KRT26: variants seen among roughly 807,000 people sequenced by gnomAD.
KRT26 encodes keratin 26, also known as keratin, type I cytoskeletal 26.
In KRT26, 45 loss-of-function variants were observed where a neutral mutation model predicts 46.1. The ratio of observed to expected loss-of-function variants is 0.98; its 90% CI spans 0.77 to 1.25. KRT26 has a LOEUF of 1.25. Among genes scored for constraint, KRT26 ranks in the 50% most tolerant of loss-of-function variants. KRT26 has a pLI of 0.00. For missense variants in KRT26, 582 were observed against 560.1 expected (o/e 1.04, Z -0.39); for synonymous variants, 191 against 209.9 (o/e 0.91, Z 0.78).
intron 7 of KRT26, among the ~76,000 whole-genome samples, chr17:40,767,087 C>T (rs181205407): frequency 1.2e-3 from 177 of 152,252 alleles, no homozygotes; most frequent in African/African-American, 4.2e-3. Context: ...TGCAGTAAAT[C>T]GATATATAAT....
intron 1 of KRT26, 34 bp downstream of exon 1, chr17:40,771,639 C>A: frequency 6.5e-7 from 1 of 1,527,300 alleles, no homozygotes; most frequent in Admixed American, 1.9e-5. Flanking sequence ...CACACAAAGT[C>A]TGTAGTAAAA....
At chr17:40,771,747 C>T (rs1260511602) in exon 1 of KRT26, 2 of 1,614,176 alleles carry the variant, frequency 1.2e-6, no homozygotes, top group Admixed American at 1.7e-5. Context: ...GAGCCAGGCT[C>T]ACATTTCTCG....
chr17:40,771,311 A>G (rs1053453163), intron 1 of KRT26, 75 bp from the exon 2 acceptor site: 8 of 741,684 alleles, frequency 1.1e-5, no homozygotes, highest in South Asian at 8.8e-5. Context: ...GTGATTTTAT[A>G]TCTTCTTAAT....
Position 40,770,353 on chromosome 17 carries a change from C to G in KRT26, c.581G>C (p.Arg194Pro), listed in dbSNP as rs140434418. 4 of 1,613,594 alleles carry G rather than the reference C, an allele frequency of 2.5e-6. No individual in the cohort carries two copies. The highest frequency in any genetic ancestry group is 3.3e-5 in the Admixed American group (2 of 59,952). ...AAGGGTCAGTTCATCCAACACTCTG[C>G]GAAGACCACTGGTGTCGGCCTCAAC... The change falls in exon 3 of 8, where the codon CGC (arginine) becomes CCC (proline). Residue 194 changes from arginine (R) to proline (P), a missense_variant. Physicochemically the swap from Arg to Pro is moderately radical, Grantham distance 103 (BLOSUM62 -2). Coordinates refer to ENST00000335552, the Ensembl canonical transcript of KRT26.
chr17:40,767,586 CT>C lies in KRT26; in HGVS notation c.1254del (p.Asp419ThrfsTer24). On this transcript the variant is annotated frameshift_variant and splice_region_variant, in exon 7 of 8. Transcript: ENST00000335552. LOFTEE classifies it low-confidence loss of function (END_TRUNC). Reference sequence around the variant, plus strand: ...CCAGGTAAAAAAAATCTATCTATACCTTTGGCTTGATTTCCAGAATTCACAG... The same window carrying C: ...CCAGGTAAAAAAAATCTATCTATACCTTGGCTTGATTTCCAGAATTCACAG... The C allele has an allele frequency of 1.3e-6, 2 of 1,598,680 alleles. No homozygotes were observed. The highest frequency in any genetic ancestry group is 1.7e-6 in the Non-Finnish European group (2 of 1,172,156).
chr17:40,771,007 A>T (rs1189272913), intron 2 of KRT26, 147 bp downstream of exon 2: 2 of 504,736 alleles, frequency 4.0e-6, no homozygotes, highest in Non-Finnish European at 7.0e-6. Flanking sequence ...AGCTCTTTTT[A>T]TAACGGCTTA....
chr17:40,767,945 C>T (rs116338214), intron 6 of KRT26, among the ~76,000 whole-genome samples: 1,935 of 152,288 alleles, frequency 0.013, 38 homozygotes, highest in African/African-American at 0.044. Flanking sequence ...TTTGGAGTGC[C>T]TACCATGAAA....
exon 8 of KRT26, chr17:40,766,352 G>A (rs761738908): frequency 7.7e-6 from 4 of 522,150 alleles, no homozygotes; most frequent in African/African-American, 5.8e-5. Context: ...CATAGAACAT[G>A]AGAAAAGGAA....
In KRT26 at chr17:40,771,138, G is replaced by A; in HGVS notation, c.524+16C>T. 2 of 1,472,736 alleles carry A rather than the reference G, an allele frequency of 1.4e-6. No individual in the cohort carries two copies. Among genetic ancestry groups the A allele is most frequent in the Non-Finnish European group, 1.9e-6 (2 of 1,074,216 alleles). 91.2% of individuals were successfully genotyped at this position (1,472,736 alleles called of 1,614,324 possible). ...TAACTTTTATTAATATAATTAATCA[G>A]TTTGTTTTCACCTACTTCAGCCTGA... On this transcript the variant is annotated intron_variant, in intron 2 of 7. Transcript: ENST00000335552.
chr17:40,768,913 C>T (rs1253202904), exon 6 of KRT26: 6 of 1,586,200 alleles, frequency 3.8e-6, no homozygotes, highest in Non-Finnish European at 5.2e-6. Context: ...CAATAAATGT[C>T]AATTTCTTTT....
chr17:40,769,149 C>A, intron 5 of KRT26, 53 bp from the exon 6 acceptor site: 1 of 1,134,284 alleles, frequency 8.8e-7, no homozygotes, highest in South Asian at 1.4e-5. Context: ...ATGGCATGGT[C>A]ATCTTATATT....
rs144927725 is a variant in KRT26, at chr17:40,769,345, T to C, written c.970-249A>G. Among the ~76,000 whole-genome samples, 841 of 152,160 alleles carry C rather than the reference T, an allele frequency of 5.5e-3. 2 individuals are homozygous for C. The highest frequency in any genetic ancestry group is 0.014 in the Middle Eastern group (4 of 294). ...CTAATTTTTATATTTTTAGTAGAGATGGGGTTTCACCATGTTGGCCTGGCT... is the reference window on the plus strand; with the variant it reads ...CTAATTTTTATATTTTTAGTAGAGACGGGGTTTCACCATGTTGGCCTGGCT... On this transcript the variant is annotated intron_variant, in intron 5 of 7. Transcript: ENST00000335552.
chr17:40,771,985 A>G (rs1169741529), exon 1 of KRT26: 1 of 1,614,168 alleles, frequency 6.2e-7, no homozygotes, highest in Non-Finnish European at 8.5e-7. Flanking sequence ...GAGTACAAGA[A>G]AAGCTGCTTC....
chr17:40,768,841 T>C, intron 6 of KRT26, 38 bp downstream of exon 6: 1 of 1,171,718 alleles, frequency 8.5e-7, no homozygotes, highest in Middle Eastern at 2.5e-4. Context: ...ACCTAGTTAA[T>C]GTGAGGTTTT....
chr17:40,768,827 G>T, intron 6 of KRT26, 52 bp downstream of exon 6: 1 of 1,038,680 alleles, frequency 9.6e-7, no homozygotes, highest in Non-Finnish European at 1.4e-6. Flanking sequence ...TATACTGTGG[G>T]AAAACCTAGT....
exon 7 of KRT26, chr17:40,767,653 T>C: frequency 6.3e-7 from 1 of 1,599,876 alleles, no homozygotes; most frequent in Non-Finnish European, 8.5e-7. Context: ...ATTTGCTTTT[T>C]CTGTGAAGAG....
At chr17:40,770,555 A>C in intron 2 of KRT26, 146 bp from the exon 3 acceptor site, 1 of 583,834 alleles carries the variant, frequency 1.7e-6, no homozygotes. Context: ...AAATGGTTTG[A>C]GATACCTAAC....
At chr17:40,768,710 A>G (rs1053347258) in intron 6 of KRT26, among the ~76,000 whole-genome samples, 169 bp downstream of exon 6, 1 of 152,164 alleles carries the variant, frequency 6.6e-6, no homozygotes, top group Non-Finnish European at 1.5e-5. Context: ...TTGATTTTCA[A>G]ATTTCTGCAT....
chr17:40,766,781 C>T (rs1452819975), intron 7 of KRT26, 115 bp from the exon 8 acceptor site: 6 of 707,544 alleles, frequency 8.5e-6, no homozygotes, highest in Non-Finnish European at 1.4e-5. Context: ...GCTCTGTCAC[C>T]CAGGCTGGAG....
Sources: allele counts gnomAD v4.1 joint callset (sites outside exome capture counted in the v4.1 genomes callset), GRCh38; gene constraint gnomAD v4.1.1; transcripts MANE v1.5; gene names NCBI Gene and HGNC (gene_info 2026-07-23, HGNC 2026-07-21).